The following DIAPH3 variants were observed in gnomAD, a reference collection of about 807,000 sequenced individuals.
DIAPH3 encodes protein diaphanous homolog 3.
Under a neutral mutation model 144.3 loss-of-function variants are expected in DIAPH3, and 117 were observed. The observed-to-expected ratio is 0.81, with a 90% CI of 0.70 to 0.95. The LOEUF is 0.95. Among genes scored for constraint, DIAPH3 ranks in the 40% least tolerant of loss-of-function variants. The pLI is 0.00. For synonymous variants in DIAPH3, 519 were observed against 488.9 expected, an observed-to-expected ratio of 1.06 and a Z score of -0.81; for missense variants, 1,421 against 1,412.7, an observed-to-expected ratio of 1.01 and a Z score of -0.09.
At chr13:59,898,539 G>A (rs1002140508) in intron 20 of DIAPH3, among the ~76,000 whole-genome samples, 1 of 152,082 alleles carries the variant, frequency 6.6e-6, no homozygotes, top group African/African-American at 2.4e-5. Context: ...AATGATTTTA[G>A]TTTTTCATAT....
chr13:60,108,531 G>A (rs560948097), intron 3 of DIAPH3, among the ~76,000 whole-genome samples: 8 of 152,020 alleles, frequency 5.3e-5, no homozygotes, highest in Admixed American at 3.3e-4. Context: ...GCTTGAACCC[G>A]GGAGACAGAA....
At chr13:59,972,284 G>A (rs779456641) in intron 15 of DIAPH3, among the ~76,000 whole-genome samples, 8 of 152,170 alleles carry the variant, frequency 5.3e-5, no homozygotes, top group South Asian at 2.1e-4. Context: ...AAAAAGAACC[G>A]CCTGTGTCCA....
At chr13:60,160,217 C>T (rs867480306) in intron 1 of DIAPH3, among the ~76,000 whole-genome samples, 11 of 152,166 alleles carry the variant, frequency 7.2e-5, no homozygotes, top group Admixed American at 2.6e-4. Flanking sequence ...GAGCAAGACT[C>T]CGTCTCAAAA....
At chr13:59,948,675 G>C (rs549515299) in intron 17 of DIAPH3, among the ~76,000 whole-genome samples, 3 of 152,178 alleles carry the variant, frequency 2.0e-5, no homozygotes, top group Non-Finnish European at 2.9e-5. Context: ...TGCCCAAGCT[G>C]GTCTTAAACT....
In DIAPH3 at chr13:59,952,414, G is replaced by A. The variant is rs772397975; in HGVS notation, c.2074+17530C>T. Reference sequence around the variant, plus strand: ...TAACAAAAATCAACACCAAACAAAGGAGCAATTTTCAGGAAAAATACCTAC... The same window carrying A: ...TAACAAAAATCAACACCAAACAAAGAAGCAATTTTCAGGAAAAATACCTAC... On this transcript the variant is annotated intron_variant, in intron 17 of 27. Transcript: ENST00000400324. 6.8e-4 allele frequency among the ~76,000 whole-genome samples: 104 copies of A among 152,048 alleles called. 1 individual carries two copies. The highest frequency in any genetic ancestry group is 9.8e-4 in the Admixed American group (15 of 15,256).
At chr13:59,682,657 A>C (rs1021517589) in intron 27 of DIAPH3, among the ~76,000 whole-genome samples, 5 of 152,146 alleles carry the variant, frequency 3.3e-5, no homozygotes, top group African/African-American at 1.2e-4. Context: ...ATTAAACTCT[A>C]TATATAATAC....
Position 60,093,611 on chromosome 13 carries a change from T to G in DIAPH3, c.495+17A>C, listed in dbSNP as rs1053088163. The G allele has an allele frequency of 6.7e-6, 10 of 1,503,524 alleles. No homozygotes were observed. The highest frequency in any genetic ancestry group is 1.7e-5 in the Admixed American group (1 of 59,836). The allele number at this position is 1,503,524 out of a possible 1,614,324, so 93.1% of individuals were successfully genotyped here. A position where few individuals can be genotyped will look rare whatever the true frequency, so the allele number is the denominator to read the frequency against. On this transcript the variant is annotated intron_variant, in intron 4 of 27. Transcript: ENST00000400324. ...AACATGTTCGGCAGTATTTTTCAAC[T>G]TGACAGTTTTACTTACTGTCTTAGA... is the stretch of plus-strand genomic sequence containing the variant.
At chr13:60,156,121 C>T (rs557115558) in intron 1 of DIAPH3, among the ~76,000 whole-genome samples, 22 of 152,336 alleles carry the variant, frequency 1.4e-4, no homozygotes, top group Admixed American at 1.0e-3. Context: ...CTTCTAGAAG[C>T]TCTAGGGGAG....
intron 17 of DIAPH3, among the ~76,000 whole-genome samples, chr13:59,935,848 A>G (rs1223101029): frequency 2.0e-5 from 3 of 152,338 alleles, no homozygotes; most frequent in Middle Eastern, 3.4e-3. Context: ...TCTGTTTGAC[A>G]ATTCAAGGCT....
intron 24 of DIAPH3, among the ~76,000 whole-genome samples, chr13:59,822,746 A>G (rs1329454728): frequency 6.6e-6 from 1 of 152,052 alleles, no homozygotes; most frequent in Non-Finnish European, 1.5e-5. Context: ...TAGCCATATG[A>G]ACCTAATTAT....
intron 25 of DIAPH3, among the ~76,000 whole-genome samples, chr13:59,809,100 G>C (rs1454699374): frequency 6.6e-6 from 1 of 152,152 alleles, no homozygotes; most frequent in Admixed American, 6.5e-5. Flanking sequence ...GTATAAGAGA[G>C]AATTACTGAG....
chr13:60,057,798 G>T (rs138912056), intron 4 of DIAPH3, among the ~76,000 whole-genome samples: 1 of 151,900 alleles, frequency 6.6e-6, no homozygotes, highest in Non-Finnish European at 1.5e-5. Context: ...TTGGAGAAAG[G>T]ACACCTTATT....
intron 24 of DIAPH3, among the ~76,000 whole-genome samples, chr13:59,830,331 C>G (rs149336030): frequency 6.6e-6 from 1 of 151,912 alleles, no homozygotes; most frequent in African/African-American, 2.4e-5. Flanking sequence ...GAATAAAGTA[C>G]CTGTATAAAA....
At chr13:60,013,411 T>C (rs2053414966) in intron 7 of DIAPH3, 2 of 171,286 alleles carry the variant, frequency 1.2e-5, no homozygotes, top group African/African-American at 4.8e-5. Flanking sequence ...TGGTTAAAGT[T>C]GCTGGCTTCA....
At chr13:60,008,421 T>G in intron 9 of DIAPH3, 123 bp downstream of exon 9, 1 of 667,066 alleles carries the variant, frequency 1.5e-6, no homozygotes, top group South Asian at 1.9e-5. Context: ...TAAATAATGC[T>G]ATAAAAGAAT....
intron 25 of DIAPH3, among the ~76,000 whole-genome samples, chr13:59,804,411 T>C (rs574170231): frequency 1.4e-4 from 21 of 152,222 alleles, no homozygotes; most frequent in Non-Finnish European, 2.5e-4. Flanking sequence ...TATGACCTCG[T>C]GAGAAGACTT....
intron 13 of DIAPH3, among the ~76,000 whole-genome samples, chr13:59,982,457 A>G (rs964483280): frequency 1.3e-5 from 2 of 150,816 alleles, no homozygotes; most frequent in Admixed American, 1.3e-4. Context: ...TATCTCTTAT[A>G]GAGAGAAACA....
intron 24 of DIAPH3, among the ~76,000 whole-genome samples, chr13:59,830,283 A>G (rs1566377623): frequency 6.6e-6 from 1 of 151,752 alleles, no homozygotes; most frequent in African/African-American, 2.4e-5. Flanking sequence ...AAACAATATA[A>G]CCATATTTAC....
In DIAPH3 at chr13:59,666,685, C is replaced by T; in HGVS notation, c.3481G>A (p.Glu1161Lys). 6.2e-7 allele frequency: 1 copy of T among 1,614,002 alleles called. No homozygotes were observed. Among genetic ancestry groups the T allele is most frequent in the Non-Finnish European group, 8.5e-7 (1 of 1,179,980 alleles). Residue 1161 changes from glutamate (E) to lysine (K), a missense_variant, in exon 28 of 28, where the codon GAA becomes AAA. Glu to Lys is a moderately conservative substitution (Grantham distance 56). Transcript: ENST00000400324. ...TCCGTTTCCTTTTTTCTGTTGCTTT[C>T]TACATTACACGCTTCCTTCTTCTCA... ...AAEKKEACNV[E>K]SNRKKETELL...
Sources: gnomAD v4.1 joint callset for allele counts (sites outside exome capture counted in the v4.1 genomes callset) on GRCh38, gnomAD v4.1.1 for gene constraint, MANE v1.5 for transcripts, NCBI Gene and HGNC (gene_info 2026-07-23, HGNC 2026-07-21) for gene names.